The following ABCA12 variants were observed in gnomAD, a reference collection of about 807,000 sequenced individuals.
The protein encoded by ABCA12 is glucosylceramide transporter ABCA12.
In ABCA12, 156 loss-of-function variants were observed where a neutral mutation model predicts 293.5. That is an observed-to-expected ratio of 0.53 (90% CI 0.47 to 0.61). ABCA12 has a LOEUF of 0.61. ABCA12 is among the 20% of genes least tolerant of loss of function. ABCA12 has a pLI of 0.00. For missense variants in ABCA12, 2,797 were observed against 3,090.2 expected (o/e 0.91, Z 2.25); for synonymous variants, 1,063 against 1,108.0 (o/e 0.96, Z 0.81).
At chr2:215,036,628 T>C (rs1392039770) in intron 8 of ABCA12, among the ~76,000 whole-genome samples, 1 of 152,244 alleles carries the variant, frequency 6.6e-6, no homozygotes, top group Non-Finnish European at 1.5e-5. Flanking sequence ...TTTAGGCATT[T>C]GTTTCAAATA....
chr2:215,085,185 A>C (rs1398918735), intron 2 of ABCA12, among the ~76,000 whole-genome samples: 1 of 152,158 alleles, frequency 6.6e-6, no homozygotes, highest in Non-Finnish European at 1.5e-5. Context: ...TGCCTGTGTA[A>C]GAAGCTTTTG....
intron 2 of ABCA12, among the ~76,000 whole-genome samples, chr2:215,074,098 T>C (rs953956722): frequency 2.6e-5 from 4 of 152,200 alleles, no homozygotes; most frequent in Non-Finnish European, 5.9e-5. Context: ...TAGGGTAGCA[T>C]TGGATAATAA....
intron 44 of ABCA12, 31 bp downstream of exon 44, chr2:214,953,823 A>T: frequency 6.2e-7 from 1 of 1,608,488 alleles, no homozygotes; most frequent in Non-Finnish European, 8.5e-7. Context: ...TCTGTTTTAG[A>T]TGTCAAACGT....
At chr2:214,985,799 C>T (rs918335251) in intron 28 of ABCA12, among the ~76,000 whole-genome samples, 1 of 152,118 alleles carries the variant, frequency 6.6e-6, no homozygotes, top group African/African-American at 2.4e-5. Context: ...GCTCGAGCAC[C>T]AGCAGCATCT....
chr2:214,978,580 C>T (rs1336027355), intron 32 of ABCA12, 114 bp from the exon 33 acceptor site: 17 of 1,328,796 alleles, frequency 1.3e-5, no homozygotes, highest in East Asian at 2.5e-5. Flanking sequence ...AAATTTTTCC[C>T]GTCTGACTTC....
At chr2:215,064,044 C>A in intron 3 of ABCA12, 22 bp downstream of exon 3, 1 of 1,612,322 alleles carries the variant, frequency 6.2e-7, no homozygotes, top group Non-Finnish European at 8.5e-7. Flanking sequence ...AACAATTGAA[C>A]ACACTTGAGA....
chr2:215,010,352 G>A lies in ABCA12; in HGVS notation c.2451C>T (p.Val817=), dbSNP rs755723827. ...GRILYAPYNP[V]TKAIMEKSNV... ...AAACCTTTTCCATTATTGCCTTTGT[G>A]ACTGGGTTATATGGTGCATACAAAA... Residue 817 remains valine, a synonymous_variant, in exon 18 of 53, where the codon GTC becomes GTT. Transcript: ENST00000272895. The A allele has an allele frequency of 3.7e-6, 6 of 1,613,606 alleles. No homozygotes were observed. The highest frequency in any genetic ancestry group is 5.1e-6 in the Non-Finnish European group (6 of 1,179,748).
At chr2:215,086,707 C>T (rs1407559947) in intron 2 of ABCA12, among the ~76,000 whole-genome samples, 3 of 152,154 alleles carry the variant, frequency 2.0e-5, no homozygotes. Flanking sequence ...ATTTTTCCAG[C>T]AAGGTCCTTA....
intron 1 of ABCA12, among the ~76,000 whole-genome samples, chr2:215,130,121 C>A (rs1703021043): frequency 6.6e-6 from 1 of 152,116 alleles, no homozygotes; most frequent in Non-Finnish European, 1.5e-5. Flanking sequence ...GTTTTAGTTA[C>A]CATAGCCTTG....
Position 215,001,064 on chromosome 2 carries a change from T to C in ABCA12, c.2864-44A>G, listed in dbSNP as rs756574040. ...CAACAGCAGAAAGGTTATTTTATGG[T>C]TGACGTTATTCATTGTTTGGAGAGT... On this transcript the variant is annotated intron_variant, in intron 21 of 52. Coordinates refer to ENST00000272895, the MANE Select transcript of ABCA12 (RefSeq NM_173076.3). 3.8e-6 allele frequency: 6 copies of C among 1,589,110 alleles called. No homozygotes were observed. In the African/African-American group the frequency reaches 8.1e-5, roughly 21 times the overall value.
In ABCA12 at chr2:215,138,451, A is replaced by G; in HGVS notation, c.-243T>C. 1.8e-6 allele frequency: 1 copy of G among 551,922 alleles called. No individual in the cohort carries two copies. The highest frequency in any genetic ancestry group is 2.0e-5 in the South Asian group (1 of 49,040). 34.2% of individuals were successfully genotyped at this position (551,922 alleles called of 1,614,324 possible). A position where few individuals can be genotyped will look rare whatever the true frequency, so the allele number is the denominator to read the frequency against. Reference sequence around the variant, plus strand: ...TTCTTCCAAAAGAAGGACCCAGATCAGTATCTTTGGGTGGCTTATGCTTAT... The same window carrying G: ...TTCTTCCAAAAGAAGGACCCAGATCGGTATCTTTGGGTGGCTTATGCTTAT... On this transcript the variant is annotated 5_prime_UTR_variant, in exon 1 of 53. Coordinates refer to ENST00000272895, the MANE Select transcript of ABCA12 (RefSeq NM_173076.3).
At chr2:215,059,376 G>GT (rs1299853909) in intron 3 of ABCA12, among the ~76,000 whole-genome samples, 1 of 152,028 alleles carries the variant, frequency 6.6e-6, no homozygotes, top group Non-Finnish European at 1.5e-5. Flanking sequence ...AATTTTAATT[G>GT]TTTTAATTAT....
chr2:215,126,687 C>T (rs1702930412), intron 1 of ABCA12, among the ~76,000 whole-genome samples: 1 of 152,008 alleles, frequency 6.6e-6, no homozygotes, highest in African/African-American at 2.4e-5. Context: ...TGGATTTTCT[C>T]TCTTCTTTTC....
chr2:215,089,351 G>A (rs1216904180), intron 2 of ABCA12, among the ~76,000 whole-genome samples: 2 of 152,036 alleles, frequency 1.3e-5, no homozygotes, highest in Admixed American at 6.6e-5. Context: ...AAACTACTAG[G>A]AACCGCTACA....
chr2:214,955,804 CAA>C (rs2105933820), intron 42 of ABCA12, among the ~76,000 whole-genome samples: 1 of 152,102 alleles, frequency 6.6e-6, no homozygotes, highest in South Asian at 2.1e-4. Flanking sequence ...AAAAAAAATC[CAA>C]AGAGTTTTTT....
At chr2:215,045,798 T>C (rs1425609047) in intron 7 of ABCA12, 39 bp downstream of exon 7, 1 of 1,577,988 alleles carries the variant, frequency 6.3e-7, no homozygotes, top group South Asian at 1.1e-5. Flanking sequence ...CACTTCTTTG[T>C]GAACACTAAT....
intron 18 of ABCA12, among the ~76,000 whole-genome samples, chr2:215,008,593 G>T (rs1364939055): frequency 6.6e-6 from 1 of 152,112 alleles, no homozygotes; most frequent in Admixed American, 6.6e-5. Flanking sequence ...GGATTAAAAT[G>T]CAGTATCATT....
intron 7 of ABCA12, among the ~76,000 whole-genome samples, chr2:215,045,549 G>A (rs1338523731): frequency 6.6e-6 from 1 of 152,114 alleles, no homozygotes; most frequent in Non-Finnish European, 1.5e-5. Flanking sequence ...ATATACTGTT[G>A]GTCCTGCTGT....
At chr2:215,080,343 C>A (rs977403317) in intron 2 of ABCA12, among the ~76,000 whole-genome samples, 15 of 151,964 alleles carry the variant, frequency 9.9e-5, no homozygotes, top group African/African-American at 3.4e-4. Context: ...ACCAAAAATA[C>A]AAAAAATTAG....
Sources: gnomAD v4.1 joint callset for allele counts (sites outside exome capture counted in the v4.1 genomes callset) on GRCh38, gnomAD v4.1.1 for gene constraint, MANE v1.5 for transcripts, NCBI Gene and HGNC (gene_info 2026-07-23, HGNC 2026-07-21) for gene names.